MYOM1: variants seen among roughly 807,000 people sequenced by gnomAD.
MYOM1 encodes myomesin-1.
MYOM1 carries 164 observed loss-of-function variants against 205.3 expected under a neutral mutation model. That is an observed-to-expected ratio of 0.80 (90% CI 0.70 to 0.91). The LOEUF is 0.91. Among genes scored for constraint, MYOM1 ranks in the 40% least tolerant of loss-of-function variants. The probability of loss-of-function intolerance (pLI) is 0.00; values close to 1 mark genes in which losing one functional copy is unlikely to be tolerated. For synonymous variants in MYOM1, 772 were observed against 789.4 expected (o/e 0.98, Z 0.37); for missense variants, 2,011 against 2,127.3 (o/e 0.95, Z 1.08).
In MYOM1 at chr18:3,102,458, T is replaced by C. The variant is rs757727554; in HGVS notation, c.3575+16A>G. Reference sequence around the variant, plus strand: ...GTGAAAAGGAAACCCATGATTGTGATTGACATAGTCCTTACTTGTTGCCCT... The same window carrying C: ...GTGAAAAGGAAACCCATGATTGTGACTGACATAGTCCTTACTTGTTGCCCT... On this transcript the variant is annotated intron_variant, in intron 23 of 37. Transcript: ENST00000356443. The C allele has an allele frequency of 8.6e-5, 136 of 1,583,164 alleles. No individual in the cohort carries two copies. The highest frequency in any genetic ancestry group is 1.1e-4 in the Non-Finnish European group (130 of 1,163,258).
At position 3,186,577 on chromosome 18, in the gene MYOM1, G is replaced by A. The variant is rs75257724; in HGVS notation, c.929+903C>T. ...AATTGCAATAGGATATATTATGAAG[G>A]AGGAAAAAGAGTGCTTATTCTTTAT... On this transcript the variant is annotated intron_variant, in intron 5 of 37. Coordinates refer to ENST00000356443, the MANE Select transcript of MYOM1 (RefSeq NM_003803.4). Among the ~76,000 whole-genome samples, 885 of 152,160 alleles carry A rather than the reference G, an allele frequency of 5.8e-3. 15 individuals carry two copies. The highest frequency in any genetic ancestry group is 0.02 in the African/African-American group (822 of 41,516).
At chr18:3,122,984 C>T (rs2079719362) in intron 19 of MYOM1, among the ~76,000 whole-genome samples, 1 of 152,040 alleles carries the variant, frequency 6.6e-6, no homozygotes, top group African/African-American at 2.4e-5. Flanking sequence ...ACCAACATCA[C>T]CACTTTAAAA....
Position 3,084,730 on chromosome 18 carries a change from C to G in MYOM1, c.4339+315G>C, listed in dbSNP as rs111531088. 4.6e-3 allele frequency among the ~76,000 whole-genome samples: 698 copies of G among 152,242 alleles called. 4 individuals carry two copies. The highest frequency in any genetic ancestry group is 0.016 in the African/African-American group (674 of 41,550). On this transcript the variant is annotated intron_variant, in intron 31 of 37. Transcript: ENST00000356443. ...TTAGAGTGGACTATTTTTTGTCATG[C>G]TTCTCACAGAAGTTTTTGAGCCTGG...
At chr18:3,243,282 T>C in the MYOM1 span, among the ~76,000 whole-genome samples, 2 of 152,224 alleles carry the variant, frequency 1.3e-5, no homozygotes, top group Non-Finnish European at 2.9e-5. Flanking sequence ...AAATATTTCA[T>C]GTATGAAGAA....
intron 19 of MYOM1, among the ~76,000 whole-genome samples, chr18:3,120,430 T>C (rs2143835540): frequency 6.6e-6 from 1 of 152,108 alleles, no homozygotes; most frequent in Middle Eastern, 3.4e-3. Flanking sequence ...GCCTACCCAC[T>C]CACATTTGGA....
chr18:3,225,012 G>A, the MYOM1 span, among the ~76,000 whole-genome samples: 1 of 150,292 alleles, frequency 6.7e-6, no homozygotes, highest in South Asian at 2.1e-4. Flanking sequence ...TTTTGAGACG[G>A]AGTCTCGCTC....
chr18:3,235,897 G>A, the MYOM1 span, among the ~76,000 whole-genome samples: 1 of 152,246 alleles, frequency 6.6e-6, no homozygotes, highest in Non-Finnish European at 1.5e-5. Context: ...GGCATGAGTA[G>A]TGAAGAATCT....
In MYOM1 at chr18:3,168,945, T is replaced by C. The variant is rs1417326106; in HGVS notation, c.1211A>G (p.Glu404Gly). 1.2e-6 allele frequency: 2 copies of C among 1,613,530 alleles called. No individual in the cohort carries two copies. Among genetic ancestry groups the C allele is most frequent in the Non-Finnish European group, 1.7e-6 (2 of 1,179,728 alleles). Reference sequence around the variant, plus strand: ...ATCAAATTTGTCATCAAAGTGGATCTCAAACCGGGATGCATAACCATATGG... The same window carrying C: ...ATCAAATTTGTCATCAAAGTGGATCCCAAACCGGGATGCATAACCATATGG... ...VTPYGYASRF[E>G]IHFDDKFDVS... The change falls in exon 9 of 38, where the codon GAG becomes GGG. Residue 404 changes from glutamate (E) to glycine (G), a missense_variant. Glu to Gly is a moderately conservative substitution (Grantham distance 98). Coordinates refer to ENST00000356443, the MANE Select transcript of MYOM1 (RefSeq NM_003803.4).
At chr18:3,166,263 C>CT (rs765532198) in intron 9 of MYOM1, among the ~76,000 whole-genome samples, 41,938 of 111,366 alleles carry the variant, frequency 0.38, 8,087 homozygotes, top group East Asian at 0.61. Flanking sequence ...TATCTCAAGT[C>CT]TTTTTTTTTT....
At position 3,142,442 on chromosome 18, in the gene MYOM1, A is replaced by AT. The variant is rs530937710; in HGVS notation, c.1901-380dup. Among the ~76,000 whole-genome samples, 1,167 of 151,080 alleles carry AT rather than the reference A, an allele frequency of 7.7e-3. 8 individuals carry two copies. The highest frequency in any genetic ancestry group is 0.017 in the Middle Eastern group (5 of 292). On this transcript the variant is annotated intron_variant, in intron 13 of 37. Coordinates refer to ENST00000356443, the MANE Select transcript of MYOM1 (RefSeq NM_003803.4). ...ACACCTACATAATTCAAAAAAAAAT[A>AT]TTTTTTTTTGTAGAGTTGAGGACTC...
intron 33 of MYOM1, among the ~76,000 whole-genome samples, chr18:3,082,048 T>A (rs902119957): frequency 6.6e-6 from 1 of 152,208 alleles, no homozygotes; most frequent in Admixed American, 6.5e-5. Context: ...CAGATTCTTA[T>A]AAGGAGCGCA....
chr18:3,197,868 A>C (rs529838592), intron 2 of MYOM1, among the ~76,000 whole-genome samples: 16 of 151,654 alleles, frequency 1.1e-4, no homozygotes. Context: ...GCGAGACTCC[A>C]TCTCAAAAAA....
chr18:3,131,595 CTT>C (rs34489383), intron 16 of MYOM1, 99 bp from the exon 17 acceptor site: 31 of 922,234 alleles, frequency 3.4e-5, no homozygotes, highest in Non-Finnish European at 4.3e-5. Context: ...GAAAACAATT[CTT>C]TTTTTTTTAT....
chr18:3,193,357 T>TACACACACAC (rs1367330529), intron 3 of MYOM1, among the ~76,000 whole-genome samples: 55 of 102,858 alleles, frequency 5.3e-4, no homozygotes, highest in East Asian at 3.7e-3. Context: ...CATATATATA[T>TACACACACAC]ATATACACAC....
At chr18:3,207,571 T>G (rs2081139403) in intron 2 of MYOM1, among the ~76,000 whole-genome samples, 1 of 152,210 alleles carries the variant, frequency 6.6e-6, no homozygotes, top group African/African-American at 2.4e-5. Flanking sequence ...ACTCTTGCTT[T>G]CTTGTTTCAT....
At chr18:3,213,011 C>T (rs1377517239) in intron 2 of MYOM1, among the ~76,000 whole-genome samples, 1 of 152,114 alleles carries the variant, frequency 6.6e-6, no homozygotes, top group Admixed American at 6.5e-5. Flanking sequence ...AGAGTGTTGC[C>T]ATCATACACT....
chr18:3,148,777 C>A (rs761167374), intron 13 of MYOM1, among the ~76,000 whole-genome samples: 1 of 124,322 alleles, frequency 8.0e-6, no homozygotes, highest in Non-Finnish European at 1.6e-5. Context: ...ACCCGGGAGG[C>A]GGAGCTTGTA....
chr18:3,129,236 GTC>G lies in MYOM1; in HGVS notation c.2788_2789del (p.Asp930GlnfsTer9). The G allele has an allele frequency of 1.9e-6, 3 of 1,612,954 alleles. No homozygotes were observed. Among genetic ancestry groups the G allele is most frequent in the Middle Eastern group, 3.4e-4 (2 of 5,868 alleles). On this transcript the variant is annotated frameshift_variant, in exon 18 of 38. Coordinates refer to ENST00000356443, the MANE Select transcript of MYOM1 (RefSeq NM_003803.4). LOFTEE classifies it high-confidence loss of function. ...SKSDPLKKKT[D>X]RAPPSPPCDI... ...CTTCCCTTTCTCAACTCTCACCTCTGTCTGTCTTCTTTTTCAGGGGGTCAGAC... is the reference window on the plus strand; with the variant it reads ...CTTCCCTTTCTCAACTCTCACCTCTGTGTCTTCTTTTTCAGGGGGTCAGAC...
intron 5 of MYOM1, among the ~76,000 whole-genome samples, chr18:3,183,325 A>T (rs1290771302): frequency 6.6e-6 from 1 of 152,182 alleles, no homozygotes; most frequent in East Asian, 1.9e-4. Context: ...CTGTCTCTGC[A>T]CCTGACTTTA....
Sources: allele counts gnomAD v4.1 joint callset (sites outside exome capture counted in the v4.1 genomes callset), GRCh38; gene constraint gnomAD v4.1.1; transcripts MANE v1.5; gene names NCBI Gene and HGNC (gene_info 2026-07-23, HGNC 2026-07-21).